NRCAM: variants seen among roughly 807,000 people sequenced by gnomAD.
NRCAM encodes the protein neuronal cell adhesion molecule.
A neutral mutation model predicts 156.5 loss-of-function variants in NRCAM; 83 were observed. The observed-to-expected ratio is 0.53, with a 90% CI of 0.44 to 0.64. The LOEUF is 0.64. NRCAM is among the 30% of genes least tolerant of loss of function. NRCAM has a pLI of 0.00. For synonymous variants in NRCAM, 538 were observed against 563.9 expected (o/e 0.95, Z 0.65); for missense variants, 1,417 against 1,597.3 (o/e 0.89, Z 1.92).
chr7:108,230,833 G>A (rs548090492), intron 8 of NRCAM, among the ~76,000 whole-genome samples, 198 bp downstream of exon 8: 3 of 151,944 alleles, frequency 2.0e-5, no homozygotes, highest in African/African-American at 7.2e-5. Flanking sequence ...CCACTGCAAA[G>A]AATATAAGCA....
At chr7:108,315,130 G>C (rs2098888829) in intron 2 of NRCAM, among the ~76,000 whole-genome samples, 1 of 151,938 alleles carries the variant, frequency 6.6e-6, no homozygotes, top group African/African-American at 2.4e-5. Context: ...ATCTGCACAA[G>C]TATGTATTTG....
At chr7:108,170,853 G>T (rs1166338795) in intron 28 of NRCAM, among the ~76,000 whole-genome samples, 1 of 152,106 alleles carries the variant, frequency 6.6e-6, no homozygotes, top group East Asian at 1.9e-4. Context: ...TAGAGGTGGG[G>T]TGGGGGTTGG....
rs1466021317 is a variant in NRCAM, at chr7:108,181,947, G to A, written c.2531-10C>T. ...GGAGCCACCATTGGGACTAGGAAAA[G>A]GACAGGGAAGTGGTAGAAGTATCAA... On this transcript the variant is annotated splice_polypyrimidine_tract_variant and intron_variant, in intron 23 of 32. Transcript: ENST00000379028. 1.3e-6 allele frequency: 2 copies of A among 1,570,374 alleles called. No individual in the cohort carries two copies. Among genetic ancestry groups the A allele is most frequent in the Non-Finnish European group, 8.8e-7 (1 of 1,141,480 alleles).
At chr7:108,385,469 C>T (rs141670729) in intron 2 of NRCAM, among the ~76,000 whole-genome samples, 2 of 152,292 alleles carry the variant, frequency 1.3e-5, no homozygotes, top group African/African-American at 4.8e-5. Context: ...GAGGTGTGCT[C>T]AAATGAGAAA....
At chr7:108,422,655 AG>A (rs1811621517) in intron 1 of NRCAM, among the ~76,000 whole-genome samples, 1 of 151,978 alleles carries the variant, frequency 6.6e-6, no homozygotes, top group Admixed American at 6.5e-5. Context: ...TAGGAAGCTG[AG>A]GACTGAAGTG....
At chr7:108,303,486 A>G (rs1381457262) in intron 3 of NRCAM, among the ~76,000 whole-genome samples, 2 of 152,078 alleles carry the variant, frequency 1.3e-5, no homozygotes, top group African/African-American at 4.8e-5. Flanking sequence ...CAGTACTCCA[A>G]TCTATTCTAC....
In NRCAM at chr7:108,345,943, A is replaced by C. The variant is rs150851925; in HGVS notation, c.-173-33212T>G. Among the ~76,000 whole-genome samples the C allele has an allele frequency of 1.2e-4, 18 of 152,348 alleles. No homozygotes were observed. In the East Asian group the frequency reaches 3.5e-3, roughly 29 times the overall value. On this transcript the variant is annotated intron_variant, in intron 2 of 32. Transcript: ENST00000379028. ...TCGATGGCAGAGAGCAGATAAAAGCAAGCCATGCCAACTGCTGTGGGCTGT... is the reference window on the plus strand; with the variant it reads ...TCGATGGCAGAGAGCAGATAAAAGCCAGCCATGCCAACTGCTGTGGGCTGT...
intron 17 of NRCAM, 49 bp downstream of exon 17, chr7:108,193,975 T>C: frequency 1.3e-6 from 2 of 1,583,628 alleles, no homozygotes; most frequent in Non-Finnish European, 1.7e-6. Flanking sequence ...AGTTCAAGAA[T>C]AGCTTAAAGA....
intron 1 of NRCAM, among the ~76,000 whole-genome samples, chr7:108,421,163 G>A (rs1176778013): frequency 6.6e-6 from 1 of 152,166 alleles, no homozygotes; most frequent in Non-Finnish European, 1.5e-5. Flanking sequence ...GACTATAAGT[G>A]TAGATGTATA....
intron 20 of NRCAM, 34 bp from the exon 21 acceptor site, chr7:108,184,648 C>G (rs1398609385): frequency 5.0e-6 from 8 of 1,587,968 alleles, no homozygotes; most frequent in Non-Finnish European, 6.9e-6. Flanking sequence ...AACCCAAGAC[C>G]GTGAATTCAG....
chr7:108,274,162 G>A (rs2097495396), intron 3 of NRCAM, among the ~76,000 whole-genome samples: 1 of 152,190 alleles, frequency 6.6e-6, no homozygotes, highest in South Asian at 2.1e-4. Context: ...GTAGTTTGAA[G>A]TCAGGTAGCG....
chr7:108,355,804 G>A (rs2099490329), intron 2 of NRCAM, among the ~76,000 whole-genome samples: 1 of 152,136 alleles, frequency 6.6e-6, no homozygotes, highest in African/African-American at 2.4e-5. Flanking sequence ...CCATTCTGAG[G>A]TATGGCCAAA....
At chr7:108,271,454 T>C (rs2300006) in intron 3 of NRCAM, among the ~76,000 whole-genome samples, 5,945 of 152,070 alleles carry the variant, frequency 0.039, 170 homozygotes, top group South Asian at 0.11. Flanking sequence ...TCCCAGCACT[T>C]TGGGAGGCTA....
intron 3 of NRCAM, among the ~76,000 whole-genome samples, chr7:108,242,258 C>CAAAAA (rs11413420): frequency 4.3e-4 from 42 of 98,226 alleles, no homozygotes; most frequent in African/African-American, 7.9e-4. Flanking sequence ...GACCCCGTCT[C>CAAAAA]AAAAAAAAAA....
At chr7:108,155,101 T>TATATATACACACACACAC (rs1270777439) in intron 32 of NRCAM, among the ~76,000 whole-genome samples, 3 of 123,102 alleles carry the variant, frequency 2.4e-5, no homozygotes, top group African/African-American at 1.1e-4. Context: ...TATATATATA[T>TATATATACACACACACAC]ACACACACAC....
intron 3 of NRCAM, among the ~76,000 whole-genome samples, chr7:108,255,019 G>A (rs915912983): frequency 2.6e-4 from 39 of 152,106 alleles, no homozygotes; most frequent in African/African-American, 4.3e-4. Flanking sequence ...GCCCATTAAC[G>A]GATGAAAGAA....
chr7:108,354,412 A>G (rs1417719936), intron 2 of NRCAM, among the ~76,000 whole-genome samples: 7 of 152,218 alleles, frequency 4.6e-5, no homozygotes, highest in Admixed American at 4.6e-4. Context: ...CATTATCACT[A>G]CTTCTACTCA....
chr7:108,299,104 T>TAAAAA (rs1563162798), intron 3 of NRCAM, among the ~76,000 whole-genome samples: 112 of 4,780 alleles, frequency 0.023, 4 homozygotes, highest in African/African-American at 0.058. Flanking sequence ...AGACTCCATC[T>TAAAAA]CAAAAAAAAA....
chr7:108,322,303 A>G (rs2154211235), intron 2 of NRCAM, among the ~76,000 whole-genome samples: 1 of 152,324 alleles, frequency 6.6e-6, no homozygotes, highest in Non-Finnish European at 1.5e-5. Context: ...TGACAGGCTC[A>G]TTGAACTGAA....
Sources: gnomAD v4.1 joint callset for allele counts (sites outside exome capture counted in the v4.1 genomes callset) on GRCh38, gnomAD v4.1.1 for gene constraint, MANE v1.5 for transcripts, NCBI Gene and HGNC (gene_info 2026-07-23, HGNC 2026-07-21) for gene names.